DLGAP2: variants seen among roughly 807,000 people sequenced by gnomAD.
The protein encoded by DLGAP2 is disks large-associated protein 2.
A neutral mutation model predicts 100.3 loss-of-function variants in DLGAP2; 26 were observed. The ratio of observed to expected loss-of-function variants is 0.26; its 90% confidence interval spans 0.19 to 0.36. The LOEUF is 0.36. Ranked by LOEUF, DLGAP2 falls within the 10% of genes least tolerant of loss-of-function variation. The probability of loss-of-function intolerance (pLI) is 1.00; values close to 1 mark genes in which losing one functional copy is unlikely to be tolerated. For synonymous variants in DLGAP2, 886 were observed against 630.1 expected, an observed-to-expected ratio of 1.41 and a Z score of -6.08; for missense variants, 1,858 against 1,453.2, an observed-to-expected ratio of 1.28 and a Z score of -4.53.
intron 6 of DLGAP2, among the ~76,000 whole-genome samples, chr8:1,602,938 AG>A (rs1796674212): frequency 6.6e-6 from 1 of 152,222 alleles, no homozygotes; most frequent in Admixed American, 6.5e-5. Flanking sequence ...CAACAGAATG[AG>A]GGGGTCTGTA....
chr8:1,693,655 CCATCT>C (rs1799309095), intron 13 of DLGAP2, among the ~76,000 whole-genome samples: 2 of 152,134 alleles, frequency 1.3e-5, no homozygotes, highest in African/African-American at 4.8e-5. Context: ...GCCAGAGTTG[CCATCT>C]CATGTCTTTT....
chr8:1,129,086 G>C (rs1796232730), intron 2 of DLGAP2, among the ~76,000 whole-genome samples: 1 of 152,218 alleles, frequency 6.6e-6, no homozygotes, highest in Non-Finnish European at 1.5e-5. Flanking sequence ...TTTGTGTACA[G>C]ACATGGACAT....
At chr8:763,160 A>C (rs1821129148) in intron 1 of DLGAP2, among the ~76,000 whole-genome samples, 1 of 152,086 alleles carries the variant, frequency 6.6e-6, no homozygotes, top group Non-Finnish European at 1.5e-5. Flanking sequence ...GCCCAGGCTG[A>C]CCGTGCCCTG....
chr8:1,175,116 G>C (rs1328654668), intron 2 of DLGAP2, among the ~76,000 whole-genome samples: 1 of 152,040 alleles, frequency 6.6e-6, no homozygotes, highest in African/African-American at 2.4e-5. Context: ...GCTACCTTCT[G>C]TCTTCAGATC....
chr8:1,224,912 T>C (rs1585167254), intron 2 of DLGAP2, among the ~76,000 whole-genome samples: 1 of 152,202 alleles, frequency 6.6e-6, no homozygotes, highest in Admixed American at 6.5e-5. Context: ...AGGATGGCTG[T>C]TGGTGACAAA....
chr8:1,412,091 C>A (rs1234534808), intron 3 of DLGAP2, among the ~76,000 whole-genome samples: 5 of 152,372 alleles, frequency 3.3e-5, no homozygotes, highest in African/African-American at 1.2e-4. Context: ...CCATTCCTGC[C>A]TCCAGGCCTC....
chr8:795,972 G>C (rs1275287494), intron 1 of DLGAP2, among the ~76,000 whole-genome samples: 46 of 138,030 alleles, frequency 3.3e-4, no homozygotes, highest in Middle Eastern at 3.8e-3. Flanking sequence ...GTGAGAGCAG[G>C]CGTCCAGTGA....
At chr8:1,140,973 A>T (rs2129050451) in intron 2 of DLGAP2, among the ~76,000 whole-genome samples, 1 of 152,198 alleles carries the variant, frequency 6.6e-6, no homozygotes, top group East Asian at 1.9e-4. Context: ...ACAGGGCAAG[A>T]CTCTGTCTCA....
At chr8:1,040,272 G>C (rs1585004198) in intron 2 of DLGAP2, among the ~76,000 whole-genome samples, 1 of 141,394 alleles carries the variant, frequency 7.1e-6, no homozygotes, top group South Asian at 2.4e-4. Context: ...AGCTCGGTGT[G>C]CGTGGTCAGC....
rs1463017849 is a variant in DLGAP2 at position 1,181,088 on chromosome 8, CACTT to C, written c.74-77759_74-77756del. On this transcript the variant is annotated intron_variant, in intron 2 of 14. Transcript: ENST00000637795. ...GTGTGGGTGGCTGTGCAAGGGCAGT[CACTT>C]ACTGTCGAGTGTGGGTGGCTGTGCA... 1.9e-4 allele frequency among the ~76,000 whole-genome samples: 9 copies of C among 47,480 alleles called. 1 individual carries two copies. The highest frequency in any genetic ancestry group is 5.2e-4 in the Admixed American group (2 of 3,816). The allele number at this position is 47,480 out of a possible 152,430, so 31.1% of individuals were successfully genotyped here.
chr8:1,327,223 G>C (rs1336522137), intron 3 of DLGAP2, among the ~76,000 whole-genome samples: 1 of 152,224 alleles, frequency 6.6e-6, no homozygotes, highest in Non-Finnish European at 1.5e-5. Flanking sequence ...CAATTTTACA[G>C]GTAAGGCTGA....
chr8:1,276,336 A>G (rs1799695673), intron 3 of DLGAP2, among the ~76,000 whole-genome samples: 2 of 152,002 alleles, frequency 1.3e-5, no homozygotes, highest in Non-Finnish European at 2.9e-5. Flanking sequence ...GGACTGACAC[A>G]TGAATTCACT....
At chr8:1,559,446 G>C (rs955641960) in intron 5 of DLGAP2, among the ~76,000 whole-genome samples, 1 of 152,176 alleles carries the variant, frequency 6.6e-6, no homozygotes, top group African/African-American at 2.4e-5. Flanking sequence ...CCAGACATAT[G>C]CTTTGGAATG....
intron 3 of DLGAP2, among the ~76,000 whole-genome samples, chr8:1,447,151 G>C (rs529754655): frequency 3.3e-5 from 5 of 152,214 alleles, no homozygotes; most frequent in African/African-American, 4.8e-5. Flanking sequence ...TGGTGAGAGA[G>C]GGCATCCCTG....
intron 2 of DLGAP2, among the ~76,000 whole-genome samples, chr8:946,470 A>G (rs182390248): frequency 1.4e-4 from 21 of 151,794 alleles, no homozygotes; most frequent in South Asian, 4.2e-4. Flanking sequence ...TCACCATATT[A>G]GCCAGGATGG....
chr8:1,592,131 C>A (rs950696308), intron 6 of DLGAP2, among the ~76,000 whole-genome samples: 11 of 152,178 alleles, frequency 7.2e-5, no homozygotes, highest in African/African-American at 2.7e-4. Context: ...GAGCAAGGTG[C>A]CCCAGCACAC....
chr8:910,543 C>A (rs1288825929), intron 2 of DLGAP2: 3 of 152,194 alleles, frequency 2.0e-5, no homozygotes, highest in African/African-American at 7.2e-5. Context: ...ACATATGTGA[C>A]TTTTAAGCCT....
intron 2 of DLGAP2, among the ~76,000 whole-genome samples, chr8:1,204,982 C>G (rs1797959036): frequency 6.6e-6 from 1 of 152,106 alleles, no homozygotes; most frequent in Non-Finnish European, 1.5e-5. Flanking sequence ...GCTGACAGCT[C>G]CATTGTAACA....
intron 10 of DLGAP2, among the ~76,000 whole-genome samples, chr8:1,675,305 C>A (rs1157166043): frequency 6.6e-6 from 1 of 152,246 alleles, no homozygotes; most frequent in Non-Finnish European, 1.5e-5. Flanking sequence ...CTAGCCCTGA[C>A]CCCAACCAGG....
Sources: allele counts gnomAD v4.1 joint callset (sites outside exome capture counted in the v4.1 genomes callset), GRCh38; gene constraint gnomAD v4.1.1; transcripts MANE v1.5; gene names NCBI Gene and HGNC (gene_info 2026-07-23, HGNC 2026-07-21).